Variants in ADCY1 observed in about 807,000 individuals in gnomAD.
ADCY1 encodes adenylate cyclase type 1.
A neutral mutation model predicts 105.4 loss-of-function variants in ADCY1; 28 were observed. The observed-to-expected ratio is 0.27, with a 90% CI of 0.20 to 0.36. The LOEUF (loss-of-function observed/expected upper bound fraction) is 0.36, where lower values mean the gene tolerates loss of function less well. ADCY1 is among the 10% of genes least tolerant of loss of function. The pLI is 1.00. For synonymous variants in ADCY1, 655 were observed against 623.8 expected (o/e 1.05, Z -0.75); for missense variants, 977 against 1,434.2 (o/e 0.68, Z 5.15).
chr7:45,665,199 A>T (rs1025921220), intron 8 of ADCY1, among the ~76,000 whole-genome samples: 4 of 152,256 alleles, frequency 2.6e-5, no homozygotes, highest in Non-Finnish European at 5.9e-5. Flanking sequence ...ATCAACCTCC[A>T]TTGATATTTA....
intron 4 of ADCY1, among the ~76,000 whole-genome samples, chr7:45,633,921 A>G (rs1472654808): frequency 6.6e-6 from 1 of 152,174 alleles, no homozygotes; most frequent in African/African-American, 2.4e-5. Context: ...ATGTTAATCA[A>G]CTGTTAATGT....
intron 8 of ADCY1, among the ~76,000 whole-genome samples, chr7:45,667,144 T>G (rs183628399): frequency 0.021 from 3,172 of 152,298 alleles, 67 homozygotes; most frequent in South Asian, 0.094. Flanking sequence ...TAGATCCCAT[T>G]TGTCAATTTT....
intron 8 of ADCY1, among the ~76,000 whole-genome samples, chr7:45,669,148 T>C (rs538021109): frequency 6.6e-6 from 1 of 152,378 alleles, no homozygotes; most frequent in South Asian, 2.1e-4. Context: ...GCTCTGATCT[T>C]AGTTATTTCT....
chr7:45,663,779 A>G (rs1474609275), intron 8 of ADCY1, among the ~76,000 whole-genome samples: 2 of 152,070 alleles, frequency 1.3e-5, no homozygotes, highest in Admixed American at 1.3e-4. Context: ...AGATTGTGCC[A>G]CTGTAGTCCA....
intron 3 of ADCY1, among the ~76,000 whole-genome samples, chr7:45,617,576 C>T (rs561179641): frequency 9.2e-5 from 14 of 152,064 alleles, no homozygotes; most frequent in African/African-American, 2.7e-4. Context: ...AATCAATGTA[C>T]GAAAATCAGT....
chr7:45,651,011 G>A (rs138274672), intron 5 of ADCY1, among the ~76,000 whole-genome samples: 343 of 152,186 alleles, frequency 2.3e-3, no homozygotes, highest in Non-Finnish European at 3.5e-3. Context: ...CCAGGATTTG[G>A]TGCCTTCAGC....
intron 4 of ADCY1, among the ~76,000 whole-genome samples, chr7:45,625,447 A>G (rs763456759): frequency 6.6e-6 from 1 of 152,248 alleles, no homozygotes; most frequent in East Asian, 1.9e-4. Context: ...GCCTGTACAT[A>G]TGTGTGTGAG....
At chr7:45,704,784 A>G (rs1055589139) in intron 17 of ADCY1, among the ~76,000 whole-genome samples, 168 bp downstream of exon 17, 12 of 152,098 alleles carry the variant, frequency 7.9e-5, no homozygotes, top group African/African-American at 2.9e-4. Flanking sequence ...TCCAGACACA[A>G]TCTCCTAGGG....
intron 1 of ADCY1, among the ~76,000 whole-genome samples, chr7:45,587,433 G>A (rs145744663): frequency 2.6e-5 from 4 of 152,278 alleles, no homozygotes; most frequent in South Asian, 4.1e-4. Flanking sequence ...TGTGTCAGGC[G>A]GTGGGGTTAG....
intron 8 of ADCY1, among the ~76,000 whole-genome samples, chr7:45,667,931 T>C (rs1316374264): frequency 6.6e-6 from 1 of 152,202 alleles, no homozygotes; most frequent in African/African-American, 2.4e-5. Flanking sequence ...GCTCTGTTTG[T>C]CTGTTATTGG....
chr7:45,609,264 C>T lies in ADCY1; in HGVS notation c.790-1115C>T, dbSNP rs575743618. Among the ~76,000 whole-genome samples, 214 of 152,286 alleles carry T rather than the reference C, an allele frequency of 1.4e-3. 1 individual carries two copies. Among genetic ancestry groups the T allele is most frequent in the African/African-American group, 4.6e-3 (190 of 41,560 alleles). On this transcript the variant is annotated intron_variant, in intron 2 of 19. Coordinates refer to ENST00000297323, the MANE Select transcript of ADCY1 (RefSeq NM_021116.4). ...AAAGTCACACAGGATGGAGGCCGCT[C>T]CTGGGTCAGGGATGTAGCCTGTGCA...
At chr7:45,688,407 A>G (rs1203999379) in intron 14 of ADCY1, among the ~76,000 whole-genome samples, 2 of 151,988 alleles carry the variant, frequency 1.3e-5, no homozygotes, top group African/African-American at 4.8e-5. Context: ...TTTTGGGGGG[A>G]TCTCTTTCTG....
chr7:45,662,034 C>A (rs781557554), intron 7 of ADCY1, 25 bp from the exon 8 acceptor site: 2 of 1,607,680 alleles, frequency 1.2e-6, no homozygotes, highest in Non-Finnish European at 1.7e-6. Context: ...CAGCATTTCT[C>A]CTTGCCCCTT....
chr7:45,672,859 G>A lies in ADCY1; in HGVS notation c.1606-5010G>A, dbSNP rs77006714. Among the ~76,000 whole-genome samples the A allele has an allele frequency of 7.0e-3, 1,071 of 152,212 alleles. 7 individuals carry two copies. The highest frequency in any genetic ancestry group is 0.025 in the African/African-American group (1,023 of 41,546). ...TAGCACTATGCTGCATGGAAGTGGTGAGAGCCAACATCTTGTATTTTATCC... is the reference window on the plus strand; with the variant it reads ...TAGCACTATGCTGCATGGAAGTGGTAAGAGCCAACATCTTGTATTTTATCC... On this transcript the variant is annotated intron_variant, in intron 8 of 19. Coordinates refer to ENST00000297323, the MANE Select transcript of ADCY1 (RefSeq NM_021116.4).
At position 45,684,972 on chromosome 7, in the gene ADCY1, T is replaced by C; in HGVS notation, c.1984-7T>C. On this transcript the variant is annotated splice_region_variant and splice_polypyrimidine_tract_variant and intron_variant, in intron 11 of 19. Transcript: ENST00000297323. Reference sequence around the variant, plus strand: ...GGGTATTTTCTAAATTAACATTTCTTATTCAGTGTTTTCCAGGGTGCCTGA... The same window carrying C: ...GGGTATTTTCTAAATTAACATTTCTCATTCAGTGTTTTCCAGGGTGCCTGA... 2 of 1,612,126 alleles carry C rather than the reference T, an allele frequency of 1.2e-6. No homozygotes were observed. The highest frequency in any genetic ancestry group is 1.7e-6 in the Non-Finnish European group (2 of 1,178,128).
chr7:45,586,390 T>A (rs1380489169), intron 1 of ADCY1, among the ~76,000 whole-genome samples: 1 of 152,196 alleles, frequency 6.6e-6, no homozygotes, highest in Non-Finnish European at 1.5e-5. Context: ...AGGGAGAGCC[T>A]GTCAAATTAT....
Position 45,622,755 on chromosome 7 carries a change from G to T in ADCY1, c.1020+12G>T. ...ATGAATTAGCCACGGTAAGTGCAGC[G>T]TTTTTCTTTGTTCGAATTAAATTAG... On this transcript the variant is annotated intron_variant, in intron 4 of 19. Transcript: ENST00000297323. 6.3e-7 allele frequency: 1 copy of T among 1,599,314 alleles called. No homozygotes were observed. The highest frequency in any genetic ancestry group is 8.5e-7 in the Non-Finnish European group (1 of 1,170,568).
At chr7:45,603,570 C>T (rs1206150780) in intron 2 of ADCY1, among the ~76,000 whole-genome samples, 1 of 152,090 alleles carries the variant, frequency 6.6e-6, no homozygotes, top group Non-Finnish European at 1.5e-5. Context: ...ACCCAGCTTC[C>T]CCAGTGGCAA....
chr7:45,711,490 A>G (rs538381670), intron 19 of ADCY1, among the ~76,000 whole-genome samples: 7 of 151,672 alleles, frequency 4.6e-5, no homozygotes, highest in Non-Finnish European at 8.8e-5. Flanking sequence ...TTCTTTTATC[A>G]CAGTAAGGTA....
Sources: allele counts gnomAD v4.1 joint callset (sites outside exome capture counted in the v4.1 genomes callset), GRCh38; gene constraint gnomAD v4.1.1; transcripts MANE v1.5; gene names NCBI Gene and HGNC (gene_info 2026-07-23, HGNC 2026-07-21).